The following GABRB1 variants were observed in gnomAD, a reference collection of about 807,000 sequenced individuals.
GABRB1 encodes gamma-aminobutyric acid receptor subunit beta-1.
Under a neutral mutation model 51.6 loss-of-function variants are expected in GABRB1, and 17 were observed. The observed-to-expected ratio is 0.33, with a 90% CI of 0.23 to 0.49. The LOEUF is 0.49. GABRB1 is among the 20% of genes least tolerant of loss of function. GABRB1 has a pLI of 0.99. For missense variants in GABRB1, 410 were observed against 600.6 expected (o/e 0.68, Z 3.32); for synonymous variants, 247 against 218.9 (o/e 1.13, Z -1.14).
chr4:47,332,469 C>T lies in GABRB1; in HGVS notation c.544+12260C>T, dbSNP rs73133972. Among the ~76,000 whole-genome samples, 1,136 of 152,262 alleles carry T rather than the reference C, an allele frequency of 7.5e-3. 18 individuals are homozygous for T. The highest frequency in any genetic ancestry group is 0.026 in the African/African-American group (1,072 of 41,564). On this transcript the variant is annotated intron_variant, in intron 5 of 8. Coordinates refer to ENST00000295454, the MANE Select transcript of GABRB1 (RefSeq NM_000812.4). ...ATTTTCTATGAACAACATCCACATA[C>T]GAATAATGAAACAAGTATATAATTT...
At chr4:47,176,225 A>G (rs550848299) in intron 4 of GABRB1, among the ~76,000 whole-genome samples, 348 of 152,268 alleles carry the variant, frequency 2.3e-3, no homozygotes, top group Non-Finnish European at 4.1e-3. Flanking sequence ...GAACTATTCA[A>G]CTTCTATATG....
Position 47,031,592 on chromosome 4 carries a change from G to A in GABRB1, c.-60G>A, listed in dbSNP as rs1401360560. The A allele has an allele frequency of 4.9e-6, 7 of 1,428,734 alleles. No individual in the cohort carries two copies. In the East Asian group the frequency reaches 6.8e-5, roughly 14 times the overall value. The allele number at this position is 1,428,734 out of a possible 1,614,324, so 88.5% of individuals were successfully genotyped here. A position where few individuals can be genotyped will look rare whatever the true frequency, so the allele number is the denominator to read the frequency against. On this transcript the variant is annotated 5_prime_UTR_variant, in exon 1 of 9. Transcript: ENST00000295454. ...ATTCGGGAATTACTGCCCAGCAGCC[G>A]ACTAAGTTGCATTCCTTGAATCTTC...
intron 5 of GABRB1, among the ~76,000 whole-genome samples, chr4:47,337,036 T>C (rs771059900): frequency 1.1e-4 from 17 of 152,018 alleles, no homozygotes; most frequent in Non-Finnish European, 1.9e-4. Flanking sequence ...AAGCCAAACA[T>C]AGAAAAAGGA....
chr4:47,217,070 CATT>C (rs755924736), intron 4 of GABRB1, among the ~76,000 whole-genome samples: 4 of 151,784 alleles, frequency 2.6e-5, no homozygotes, highest in Admixed American at 1.3e-4. Flanking sequence ...TTTTTAAACT[CATT>C]ATAATAAATA....
At chr4:47,246,299 T>TATATATATATATACACACACAC (rs1329276891) in intron 4 of GABRB1, among the ~76,000 whole-genome samples, 1 of 84,170 alleles carries the variant, frequency 1.2e-5, no homozygotes, top group African/African-American at 4.7e-5. Context: ...TATATATATA[T>TATATATATATATACACACACAC]ACACACACAC....
intron 4 of GABRB1, among the ~76,000 whole-genome samples, chr4:47,290,727 A>G (rs1723694713): frequency 6.6e-6 from 1 of 152,164 alleles, no homozygotes; most frequent in Non-Finnish European, 1.5e-5. Flanking sequence ...GTTTTAGCAA[A>G]GATACTGGCG....
chr4:47,062,893 A>T (rs1437647377), intron 3 of GABRB1, among the ~76,000 whole-genome samples: 1 of 152,126 alleles, frequency 6.6e-6, no homozygotes, highest in Non-Finnish European at 1.5e-5. Flanking sequence ...CCACCACCCA[A>T]AACCAAGCCA....
At chr4:47,042,155 T>C (rs952770891) in intron 3 of GABRB1, among the ~76,000 whole-genome samples, 3 of 151,912 alleles carry the variant, frequency 2.0e-5, no homozygotes, top group African/African-American at 4.8e-5. Context: ...AATAATAACA[T>C]TCACTAGAAA....
intron 8 of GABRB1, among the ~76,000 whole-genome samples, chr4:47,416,188 G>T (rs1728910081): frequency 6.6e-6 from 1 of 152,192 alleles, no homozygotes; most frequent in Non-Finnish European, 1.5e-5. Context: ...GCAAGAAACA[G>T]CATTGTGCAA....
intron 5 of GABRB1, among the ~76,000 whole-genome samples, chr4:47,390,119 T>C: frequency 6.6e-6 from 1 of 152,226 alleles, no homozygotes; most frequent in East Asian, 1.9e-4. Context: ...TAGGTTTCTT[T>C]GGGACTGGAT....
At chr4:47,200,672 A>T (rs1364393261) in intron 4 of GABRB1, among the ~76,000 whole-genome samples, 1 of 152,124 alleles carries the variant, frequency 6.6e-6, no homozygotes, top group African/African-American at 2.4e-5. Flanking sequence ...AGATACTTAA[A>T]TCCCCAGAGC....
At chr4:47,154,270 T>TC (rs1270522925) in intron 3 of GABRB1, among the ~76,000 whole-genome samples, 3 of 151,680 alleles carry the variant, frequency 2.0e-5, no homozygotes, top group African/African-American at 7.2e-5. Context: ...TTTTTTTTTT[T>TC]TTCTTATCCT....
intron 4 of GABRB1, among the ~76,000 whole-genome samples, chr4:47,319,496 G>A (rs901301179): frequency 7.9e-5 from 12 of 152,052 alleles, no homozygotes; most frequent in Admixed American, 7.9e-4. Context: ...TGTATGTGTT[G>A]TTGATTGTTG....
chr4:47,278,719 ATG>A (rs1431376208), intron 4 of GABRB1, among the ~76,000 whole-genome samples: 6 of 152,134 alleles, frequency 3.9e-5, no homozygotes, highest in Admixed American at 3.9e-4. Context: ...TTCTTTTCTC[ATG>A]TGATGCCAAT....
intron 5 of GABRB1, among the ~76,000 whole-genome samples, chr4:47,328,461 T>C (rs1239472734): frequency 6.6e-6 from 1 of 152,210 alleles, no homozygotes; most frequent in Non-Finnish European, 1.5e-5. Flanking sequence ...TAAAGACACA[T>C]GCACACGCAT....
chr4:47,380,137 A>G (rs1033553488), intron 5 of GABRB1, among the ~76,000 whole-genome samples: 2 of 152,184 alleles, frequency 1.3e-5, no homozygotes, highest in African/African-American at 2.4e-5. Flanking sequence ...TTTGTTGTAT[A>G]TATTCTTAAT....
intron 8 of GABRB1, among the ~76,000 whole-genome samples, chr4:47,417,243 G>C (rs188618039): frequency 5.9e-5 from 9 of 152,158 alleles, no homozygotes; most frequent in Admixed American, 4.6e-4. Context: ...GTTTGACCTA[G>C]CAACTGGAAG....
intron 3 of GABRB1, among the ~76,000 whole-genome samples, chr4:47,113,215 G>A (rs943532335): frequency 5.9e-5 from 9 of 151,772 alleles, no homozygotes; most frequent in East Asian, 1.9e-4. Flanking sequence ...GTGAAACCCC[G>A]TCTCTACTAA....
intron 5 of GABRB1, among the ~76,000 whole-genome samples, chr4:47,383,561 TA>T (rs1408686412): frequency 5.3e-5 from 8 of 152,198 alleles, no homozygotes; most frequent in African/African-American, 1.9e-4. Flanking sequence ...GATATATTAG[TA>T]ATTTTTAATT....
Sources: allele counts gnomAD v4.1 joint callset (sites outside exome capture counted in the v4.1 genomes callset), GRCh38; gene constraint gnomAD v4.1.1; transcripts MANE v1.5; gene names NCBI Gene and HGNC (gene_info 2026-07-23, HGNC 2026-07-21).